The following RHOBTB1 variants were observed in gnomAD, a reference collection of about 807,000 sequenced individuals.
RHOBTB1 encodes the protein rho-related BTB domain-containing protein 1.
RHOBTB1 carries 40 observed loss-of-function variants against 71.6 expected under a neutral mutation model. That is an observed-to-expected ratio of 0.56 (90% CI 0.43 to 0.73). The LOEUF (loss-of-function observed/expected upper bound fraction) is 0.73, where lower values mean the gene tolerates loss of function less well. Among genes scored for constraint, RHOBTB1 ranks in the 30% least tolerant of loss-of-function variants. The probability of loss-of-function intolerance (pLI) is 0.00; values close to 1 mark genes in which losing one functional copy is unlikely to be tolerated. For missense variants in RHOBTB1, 797 were observed against 894.0 expected (o/e 0.89, Z 1.38); for synonymous variants, 319 against 334.9 (o/e 0.95, Z 0.52).
chr10:60,966,308 A>G (rs1437129796), intron 2 of RHOBTB1, among the ~76,000 whole-genome samples: 1 of 151,964 alleles, frequency 6.6e-6, no homozygotes, highest in African/African-American at 2.4e-5. Context: ...ATATTCGAAA[A>G]AAAAAAAAGC....
chr10:60,932,486 G>A (rs2084313359), intron 2 of RHOBTB1, among the ~76,000 whole-genome samples: 1 of 126,394 alleles, frequency 7.9e-6, no homozygotes, highest in Non-Finnish European at 1.6e-5. Context: ...ATTTCTCTAT[G>A]TGTTATACTT....
chr10:60,892,800 C>T lies in RHOBTB1; in HGVS notation c.482+10G>A. The T allele has an allele frequency of 1.2e-6, 2 of 1,609,174 alleles. No individual in the cohort carries two copies. Among genetic ancestry groups the T allele is most frequent in the Non-Finnish European group, 1.7e-6 (2 of 1,177,722 alleles). On this transcript the variant is annotated intron_variant, in intron 5 of 10. Transcript: ENST00000337910. Reference sequence around the variant, plus strand: ...GTCAGGACAGGGAAACACTGAGTCCCTTGGCTTACCTTGCTAACGGGCGCC... The same window carrying T: ...GTCAGGACAGGGAAACACTGAGTCCTTTGGCTTACCTTGCTAACGGGCGCC...
intron 2 of RHOBTB1, among the ~76,000 whole-genome samples, chr10:60,955,031 TTTTC>T (rs1225896078): frequency 1.6e-5 from 2 of 127,822 alleles, no homozygotes; most frequent in African/African-American, 2.8e-5. Context: ...GAATCTTTTC[TTTTC>T]TTTCTTTCTT....
At chr10:60,932,513 T>TAA (rs3049595) in intron 2 of RHOBTB1, among the ~76,000 whole-genome samples, 5,596 of 107,846 alleles carry the variant, frequency 0.052, 269 homozygotes, top group African/African-American at 0.12. Flanking sequence ...TTTCTTAAAG[T>TAA]AAAAAAAAAA....
At position 60,981,943 on chromosome 10, in the gene RHOBTB1, G is replaced by C. The variant is rs920015827; in HGVS notation, c.-62+3902C>G. On this transcript the variant is annotated intron_variant, in intron 2 of 11. Transcript: ENST00000357917. ...CACCACCATGCCTGGCTAATTTTTT[G>C]TATTTGTAGTTGAAATGGGTTTGCA... Among the ~76,000 whole-genome samples the C allele has an allele frequency of 5.9e-5, 9 of 152,010 alleles. No individual in the cohort carries two copies. The South Asian group carries it at 1.7e-3, about 28-fold the overall frequency.
chr10:60,997,347 T>A lies in RHOBTB1; in HGVS notation c.-163+4052A>T, dbSNP rs368054994. Among the ~76,000 whole-genome samples the A allele has an allele frequency of 6.6e-5, 10 of 152,336 alleles. No homozygotes were observed. The South Asian group carries it at 1.9e-3, about 28-fold the overall frequency. The stretch of plus-strand genomic sequence containing the variant: ...ATTTGTCAAAATGCAGTTGTGTGGG[T>A]GCAATCTCAAACCTATTAATTCAGA... On this transcript the variant is annotated intron_variant, in intron 1 of 11. Coordinates refer to the RHOBTB1 transcript ENST00000357917.
At chr10:61,001,710 C>T (rs1416799744), upstream of RHOBTB1, among the ~76,000 whole-genome samples, 2 of 152,072 alleles carry the variant, frequency 1.3e-5, no homozygotes, top group African/African-American at 2.4e-5. Flanking sequence ...GGGCCGCCTC[C>T]CCCCGCCCCC....
At chr10:60,874,468 A>G (rs541477015) in intron 9 of RHOBTB1, among the ~76,000 whole-genome samples, 22 of 152,292 alleles carry the variant, frequency 1.4e-4, no homozygotes, top group Non-Finnish European at 2.6e-4. Flanking sequence ...TGAATCTTGG[A>G]CCTTCTCTGG....
intron 1 of RHOBTB1, among the ~76,000 whole-genome samples, chr10:60,991,624 G>A (rs1397858287): frequency 6.6e-6 from 1 of 151,862 alleles, no homozygotes; most frequent in Non-Finnish European, 1.5e-5. Context: ...GTAGAGACGG[G>A]GTTTCACCAT....
chr10:60,880,529 G>A (rs1424366922), intron 7 of RHOBTB1, among the ~76,000 whole-genome samples: 1 of 152,062 alleles, frequency 6.6e-6, no homozygotes, highest in African/African-American at 2.4e-5. Flanking sequence ...AGACATGGTT[G>A]GTGAAAACGA....
At chr10:60,999,602 A>G (rs905816083) in intron 1 of RHOBTB1, among the ~76,000 whole-genome samples, 1 of 152,238 alleles carries the variant, frequency 6.6e-6, no homozygotes, top group Non-Finnish European at 1.5e-5. Flanking sequence ...ATATTGGAGG[A>G]ATCAATAATT....
intron 2 of RHOBTB1, among the ~76,000 whole-genome samples, chr10:60,972,770 T>C (rs537191046): frequency 6.6e-6 from 1 of 152,174 alleles, no homozygotes; most frequent in African/African-American, 2.4e-5. Context: ...ATACCAGTAG[T>C]GGTGGATTAA....
intron 7 of RHOBTB1, among the ~76,000 whole-genome samples, chr10:60,882,588 T>A (rs2132455339): frequency 6.6e-6 from 1 of 151,742 alleles, no homozygotes; most frequent in South Asian, 2.1e-4. Flanking sequence ...TTCTATTAAT[T>A]CTCCAAAAAA....
intron 2 of RHOBTB1, among the ~76,000 whole-genome samples, chr10:60,937,063 G>A (rs2084630217): frequency 6.6e-6 from 1 of 152,146 alleles, no homozygotes; most frequent in Non-Finnish European, 1.5e-5. Context: ...ACTAAAAAAG[G>A]AAGAACAGGT....
chr10:60,986,748 T>G (rs1307665061), intron 1 of RHOBTB1, among the ~76,000 whole-genome samples: 3 of 152,198 alleles, frequency 2.0e-5, no homozygotes, highest in East Asian at 3.9e-4. Flanking sequence ...TACTTTTGCT[T>G]GGAGGTAGTT....
At chr10:60,988,403 TGTTACCCAGGTAGTGAGCATA>T (rs1463890886) in intron 1 of RHOBTB1, among the ~76,000 whole-genome samples, 1 of 152,082 alleles carries the variant, frequency 6.6e-6, no homozygotes, top group Non-Finnish European at 1.5e-5. Flanking sequence ...CAAATTTTCC[TGTTACCCAGGTAGTGAGCATA>T]GTACCCAACT....
At chr10:60,978,446 G>A (rs1290380153) in intron 2 of RHOBTB1, among the ~76,000 whole-genome samples, 1 of 152,094 alleles carries the variant, frequency 6.6e-6, no homozygotes, top group Non-Finnish European at 1.5e-5. Flanking sequence ...AACATGATTT[G>A]GTCTTTGTTT....
chr10:60,979,353 C>A (rs1194814545), intron 2 of RHOBTB1, among the ~76,000 whole-genome samples: 2 of 152,050 alleles, frequency 1.3e-5, no homozygotes, highest in African/African-American at 4.8e-5. Context: ...GGCTAAAATG[C>A]AAACTTACCT....
intron 2 of RHOBTB1, among the ~76,000 whole-genome samples, chr10:60,932,613 C>G (rs1483742245): frequency 6.6e-6 from 1 of 150,814 alleles, no homozygotes; most frequent in South Asian, 2.1e-4. Flanking sequence ...AGGGCTGGAT[C>G]GGGAAGCTTT....
Sources: allele counts gnomAD v4.1 joint callset (sites outside exome capture counted in the v4.1 genomes callset), GRCh38; gene constraint gnomAD v4.1.1; transcripts MANE v1.5; gene names NCBI Gene and HGNC (gene_info 2026-07-23, HGNC 2026-07-21).